The following SMYD3 variants were observed in gnomAD, a reference collection of about 807,000 sequenced individuals.
SMYD3 encodes SET and MYND domain containing 3, also known as histone-lysine N-methyltransferase SMYD3.
In SMYD3, 36 loss-of-function variants were observed where a neutral mutation model predicts 57.7. That is an observed-to-expected ratio of 0.62 (90% CI 0.48 to 0.82). The LOEUF (loss-of-function observed/expected upper bound fraction) is 0.82. SMYD3 is among the 40% of genes least tolerant of loss of function. The pLI is 0.00. For synonymous variants in SMYD3, 211 were observed against 195.0 expected (o/e 1.08, Z -0.68); for missense variants, 515 against 538.8 (o/e 0.96, Z 0.44).
intron 5 of SMYD3, among the ~76,000 whole-genome samples, chr1:246,088,719 T>C (rs539450953): frequency 5.9e-5 from 9 of 152,308 alleles, no homozygotes; most frequent in African/African-American, 2.2e-4. Flanking sequence ...TGCTTATTTT[T>C]GTTTTCAGTA....
chr1:245,767,371 A>G (rs1461735437), intron 10 of SMYD3, among the ~76,000 whole-genome samples: 12 of 152,208 alleles, frequency 7.9e-5, no homozygotes, highest in African/African-American at 1.7e-4. Context: ...GCAGAAGTCC[A>G]AAGTGAGTCC....
chr1:246,315,552 C>G (rs939966048), intron 5 of SMYD3, among the ~76,000 whole-genome samples: 1 of 152,208 alleles, frequency 6.6e-6, no homozygotes, highest in Non-Finnish European at 1.5e-5. Context: ...CATCCTGACA[C>G]GTAATTCTAA....
intron 1 of SMYD3, among the ~76,000 whole-genome samples, chr1:246,462,605 C>G (rs1267367780): frequency 6.6e-6 from 1 of 152,204 alleles, no homozygotes; most frequent in Non-Finnish European, 1.5e-5. Flanking sequence ...GAATCACCAT[C>G]AGGCCATCTG....
chr1:246,474,519 CAAAA>C (rs35626265), intron 1 of SMYD3, among the ~76,000 whole-genome samples: 13 of 78,790 alleles, frequency 1.6e-4, no homozygotes, highest in Non-Finnish European at 1.8e-4. Flanking sequence ...ACTCCCCTCT[CAAAA>C]AAAAAAAAAA....
intron 1 of SMYD3, among the ~76,000 whole-genome samples, chr1:246,502,775 T>C (rs1426287417): frequency 9.2e-5 from 14 of 152,160 alleles, no homozygotes; most frequent in South Asian, 4.1e-4. Context: ...ACTGGTCCCA[T>C]CTCATCTTTT....
chr1:245,979,641 G>A (rs1460725521), intron 5 of SMYD3, among the ~76,000 whole-genome samples: 1 of 152,056 alleles, frequency 6.6e-6, no homozygotes, highest in Non-Finnish European at 1.5e-5. Context: ...CTGCCCACAC[G>A]CCCTGATTTC....
chr1:245,997,310 A>G (rs36107675), intron 5 of SMYD3, among the ~76,000 whole-genome samples: 78,900 of 152,174 alleles, frequency 0.52, 23,850 homozygotes, highest in Middle Eastern at 0.69. Flanking sequence ...ATCCCCAGAA[A>G]ATCAACTTCA....
Position 245,947,140 on chromosome 1 carries a change from T to C in SMYD3, c.532-17203A>G, listed in dbSNP as rs550358336. On this transcript the variant is annotated intron_variant, in intron 5 of 11. Transcript: ENST00000490107. ...GCTGGGAAGCGTCAACTAAAATGGA[T>C]GGCCTTTGAATTTTCCACTCTCCCA... Among the ~76,000 whole-genome samples, 3 of 152,248 alleles carry C rather than the reference T, an allele frequency of 2.0e-5. No individual in the cohort carries two copies. The South Asian group carries it at 6.2e-4, about 32-fold the overall frequency.
At chr1:246,113,184 A>AAAATAAAT (rs61169442) in intron 5 of SMYD3, among the ~76,000 whole-genome samples, 3,493 of 145,484 alleles carry the variant, frequency 0.024, 54 homozygotes, top group Middle Eastern at 0.035. Flanking sequence ...TCTGTCTCAA[A>AAAATAAAT]AAATAAATAA....
intron 7 of SMYD3, among the ~76,000 whole-genome samples, chr1:245,927,671 CCT>C (rs369824398): frequency 6.6e-6 from 1 of 152,090 alleles, no homozygotes; most frequent in Non-Finnish European, 1.5e-5. Flanking sequence ...TACACAAACT[CCT>C]CTCTCTCTCA....
At chr1:245,989,674 T>C (rs539302697) in intron 5 of SMYD3, among the ~76,000 whole-genome samples, 1 of 152,376 alleles carries the variant, frequency 6.6e-6, no homozygotes, top group Admixed American at 6.5e-5. Context: ...GAGAAAAACA[T>C]TCTCCATCTT....
Position 246,489,652 on chromosome 1 carries a change from A to G in SMYD3, c.164+17402T>C, listed in dbSNP as rs557887556. ...AGTATCAATAGATCAGAAAGCTTCAATATCTTGTGTCATTCAGAGAGAGAG... is the reference window on the plus strand; with the variant it reads ...AGTATCAATAGATCAGAAAGCTTCAGTATCTTGTGTCATTCAGAGAGAGAG... On this transcript the variant is annotated intron_variant, in intron 1 of 11. Coordinates refer to ENST00000490107, the MANE Select transcript of SMYD3 (RefSeq NM_001167740.2). Among the ~76,000 whole-genome samples the G allele has an allele frequency of 9.2e-5, 14 of 152,338 alleles. 1 individual carries two copies. In the South Asian group the frequency reaches 2.7e-3, roughly 29 times the overall value.
At chr1:246,431,660 A>C (rs2067298343) in intron 1 of SMYD3, among the ~76,000 whole-genome samples, 1 of 152,216 alleles carries the variant, frequency 6.6e-6, no homozygotes, top group Non-Finnish European at 1.5e-5. Context: ...TGAACCCAGG[A>C]GGCAGAAGTT....
intron 5 of SMYD3, among the ~76,000 whole-genome samples, chr1:246,055,593 G>A (rs1327992975): frequency 6.6e-6 from 1 of 152,132 alleles, no homozygotes; most frequent in Non-Finnish European, 1.5e-5. Flanking sequence ...CCAGAAGGTG[G>A]ACATAACCCA....
At chr1:246,308,525 G>A (rs1036840372) in intron 5 of SMYD3, among the ~76,000 whole-genome samples, 13 of 151,968 alleles carry the variant, frequency 8.6e-5, no homozygotes, top group African/African-American at 2.4e-4. Context: ...AGAGAGTTTC[G>A]TCCCAGAAGA....
chr1:245,825,792 T>C (rs564684782), intron 10 of SMYD3, among the ~76,000 whole-genome samples: 1 of 151,894 alleles, frequency 6.6e-6, no homozygotes, highest in South Asian at 2.1e-4. Flanking sequence ...GTGAGACAGA[T>C]ACTAATTATT....
intron 5 of SMYD3, among the ~76,000 whole-genome samples, chr1:246,076,075 C>A (rs1038728393): frequency 1.2e-4 from 18 of 151,868 alleles, no homozygotes; most frequent in African/African-American, 4.1e-4. Context: ...TATTTCTTGC[C>A]AATGTATTCA....
chr1:246,169,395 A>AAAAAC (rs1553304442), intron 5 of SMYD3, among the ~76,000 whole-genome samples: 17 of 148,998 alleles, frequency 1.1e-4, no homozygotes, highest in African/African-American at 4.1e-4. Context: ...AAAAAAAAAA[A>AAAAAC]AAAAAAAAAC....
chr1:246,157,329 A>T (rs1343901325), intron 5 of SMYD3, among the ~76,000 whole-genome samples: 1 of 152,216 alleles, frequency 6.6e-6, no homozygotes, highest in African/African-American at 2.4e-5. Flanking sequence ...AACAACCAGC[A>T]AATGGCCCTC....
Sources: gnomAD v4.1 joint callset for allele counts (sites outside exome capture counted in the v4.1 genomes callset) on GRCh38, gnomAD v4.1.1 for gene constraint, MANE v1.5 for transcripts, NCBI Gene and HGNC (gene_info 2026-07-23, HGNC 2026-07-21) for gene names.